Variants in SYT14 observed in about 807,000 individuals in gnomAD.
The protein encoded by SYT14 is synaptotagmin-14.
Under a neutral mutation model 74.2 loss-of-function variants are expected in SYT14, and 32 were observed. That is an observed-to-expected ratio of 0.43 (90% CI 0.33 to 0.58). The LOEUF is 0.58. Ranked by LOEUF, SYT14 falls within the 20% of genes least tolerant of loss-of-function variation. The pLI, the probability that SYT14 is intolerant of heterozygous loss-of-function variation, is 0.05. For synonymous variants in SYT14, 298 were observed against 337.7 expected (o/e 0.88, Z 1.29); for missense variants, 791 against 981.8 (o/e 0.81, Z 2.60).
rs190435668 is a variant in SYT14 at position 210,112,780 on chromosome 1, C to G, written c.2034+12319C>G. Among the ~76,000 whole-genome samples the G allele has an allele frequency of 2.8e-3, 423 of 151,300 alleles. 3 individuals carry two copies. Among genetic ancestry groups the G allele is most frequent in the Non-Finnish European group, 2.2e-3 (149 of 68,010 alleles). On this transcript the variant is annotated intron_variant, in intron 7 of 9. Transcript: ENST00000637265. ...GGAGGACCCTTGCGTAGTGAGGAAA[C>G]TTCTTTTTGCCTATATAACAGCATG... is the stretch of plus-strand genomic sequence containing the variant.
chr1:209,942,360 A>ACCCCCCCCCCCCCCCC (rs34726566), intron 1 of SYT14, among the ~76,000 whole-genome samples: 1 of 74,596 alleles, frequency 1.3e-5, no homozygotes, highest in African/African-American at 9.5e-5. Context: ...ATGCAAATTT[A>ACCCCCCCCCCCCCCCC]CCCCCCCCCC....
chr1:210,028,497 T>C (rs968431095), intron 5 of SYT14, among the ~76,000 whole-genome samples: 22 of 152,268 alleles, frequency 1.4e-4, no homozygotes, highest in Admixed American at 2.6e-4. Flanking sequence ...CTACTCTAAG[T>C]ACCTCATATA....
chr1:210,168,217 T>G (rs957988614), exon 10 of SYT14: 10 of 152,058 alleles, frequency 6.6e-5, no homozygotes, highest in African/African-American at 2.2e-4. Flanking sequence ...TTCAACTGTT[T>G]ATGACATGAA....
chr1:210,155,160 C>T (rs889819882), intron 7 of SYT14, among the ~76,000 whole-genome samples: 1 of 152,164 alleles, frequency 6.6e-6, no homozygotes, highest in Non-Finnish European at 1.5e-5. Flanking sequence ...TATACTTCTT[C>T]AATCTCTAGT....
chr1:210,151,512 C>A (rs371601327), intron 7 of SYT14, among the ~76,000 whole-genome samples: 4 of 137,066 alleles, frequency 2.9e-5, no homozygotes, highest in Admixed American at 6.9e-5. Context: ...ATGCCCCCCC[C>A]CTTTTTTTTT....
intron 7 of SYT14, among the ~76,000 whole-genome samples, chr1:210,107,423 A>C (rs960835406): frequency 3.3e-5 from 5 of 152,234 alleles, no homozygotes; most frequent in Non-Finnish European, 7.3e-5. Flanking sequence ...TTATGTCCTC[A>C]CAATTCAAAA....
In SYT14 at chr1:210,148,744, C is replaced by A. The variant is rs571025653; in HGVS notation, c.2035-6977C>A. ...AGAAAGAGGAAAAAAAGATGGTCGA[C>A]TTTCAGAAGCAAGTTTTACCCAACT... On this transcript the variant is annotated intron_variant, in intron 7 of 9. Transcript: ENST00000637265. Among the ~76,000 whole-genome samples the A allele has an allele frequency of 3.3e-5, 5 of 152,254 alleles. No homozygotes were observed. In the South Asian group the frequency reaches 8.3e-4, roughly 25 times the overall value.
chr1:210,022,219 G>A (rs184880687), intron 5 of SYT14, among the ~76,000 whole-genome samples: 6 of 152,202 alleles, frequency 3.9e-5, no homozygotes, highest in African/African-American at 1.4e-4. Context: ...TTGTCAAAGG[G>A]GGTAAATCAC....
intron 7 of SYT14, among the ~76,000 whole-genome samples, chr1:210,149,180 ATTTTTT>A (rs34134939): frequency 9.2e-6 from 1 of 108,508 alleles, no homozygotes; most frequent in Non-Finnish European, 1.8e-5. Flanking sequence ...TATAGCAGGA[ATTTTTT>A]TTTTTTTTTT....
chr1:210,121,331 T>C (rs888971686), intron 7 of SYT14, among the ~76,000 whole-genome samples: 1 of 152,162 alleles, frequency 6.6e-6, no homozygotes, highest in Admixed American at 6.5e-5. Flanking sequence ...AAGTAAAAAA[T>C]CTTTGCATTG....
At chr1:210,065,774 G>A (rs1007165642) in intron 5 of SYT14, among the ~76,000 whole-genome samples, 2 of 151,446 alleles carry the variant, frequency 1.3e-5, no homozygotes, top group African/African-American at 2.4e-5. Context: ...TGTGCACAAC[G>A]TGCAGGTTTG....
chr1:210,115,125 A>G (rs1415140959), intron 7 of SYT14, among the ~76,000 whole-genome samples: 1 of 151,438 alleles, frequency 6.6e-6, no homozygotes, highest in African/African-American at 2.5e-5. Context: ...AAAAATCGAA[A>G]GTGCCATTTT....
chr1:210,056,848 A>G (rs1317171388), intron 5 of SYT14, among the ~76,000 whole-genome samples: 1 of 150,956 alleles, frequency 6.6e-6, no homozygotes, highest in Non-Finnish European at 1.5e-5. Context: ...TTATTTATTT[A>G]TTTATTTATT....
At chr1:210,070,174 G>A (rs1359899063) in intron 5 of SYT14, among the ~76,000 whole-genome samples, 6 of 151,850 alleles carry the variant, frequency 4.0e-5, no homozygotes, top group African/African-American at 2.4e-5. Flanking sequence ...TCTCCTCCCC[G>A]ACTGTGCCGT....
intron 5 of SYT14, among the ~76,000 whole-genome samples, chr1:210,088,623 G>A (rs2081792300): frequency 6.6e-6 from 1 of 151,902 alleles, no homozygotes; most frequent in African/African-American, 2.4e-5. Context: ...AAGAAAATGT[G>A]GCACATATAT....
chr1:210,108,628 TAAAA>T (rs34608102), intron 7 of SYT14, among the ~76,000 whole-genome samples: 2 of 144,792 alleles, frequency 1.4e-5, no homozygotes, highest in Admixed American at 1.4e-4. Context: ...ATGATTTGAT[TAAAA>T]AAAAAAAGGA....
intron 7 of SYT14, among the ~76,000 whole-genome samples, chr1:210,125,828 A>G (rs1397060106): frequency 6.6e-6 from 1 of 152,254 alleles, no homozygotes; most frequent in Non-Finnish European, 1.5e-5. Context: ...ACTGCCAGTC[A>G]TAACCAGGGT....
chr1:209,943,050 G>C (rs923040639), intron 1 of SYT14, among the ~76,000 whole-genome samples: 1 of 152,038 alleles, frequency 6.6e-6, no homozygotes, highest in Non-Finnish European at 1.5e-5. Flanking sequence ...TTGGCTCTAA[G>C]ATTTCTAAGG....
At chr1:210,070,155 C>T (rs1171981696) in intron 5 of SYT14, among the ~76,000 whole-genome samples, 4 of 151,974 alleles carry the variant, frequency 2.6e-5, no homozygotes, top group Non-Finnish European at 4.4e-5. Flanking sequence ...TCTCTCGTTC[C>T]GCTCTCCATC....
Sources: gnomAD v4.1 joint callset for allele counts (sites outside exome capture counted in the v4.1 genomes callset) on GRCh38, gnomAD v4.1.1 for gene constraint, MANE v1.5 for transcripts, NCBI Gene and HGNC (gene_info 2026-07-23, HGNC 2026-07-21) for gene names.